ZMYND8: variants seen among roughly 807,000 people sequenced by gnomAD.
ZMYND8 encodes the protein MYND-type zinc finger-containing chromatin reader ZMYND8.
ZMYND8 carries 37 observed loss-of-function variants against 140.8 expected under a neutral mutation model. That is an observed-to-expected ratio of 0.26 (90% CI 0.20 to 0.35). The LOEUF is 0.35. Ranked by LOEUF, ZMYND8 falls within the 10% of genes least tolerant of loss-of-function variation. ZMYND8 has a pLI of 1.00. For missense variants in ZMYND8, 1,068 were observed against 1,570.0 expected, an observed-to-expected ratio of 0.68 and a Z score of 5.40; for synonymous variants, 592 against 597.1, an observed-to-expected ratio of 0.99 and a Z score of 0.12.
chr20:47,292,221 CCT>C (rs760763434), intron 5 of ZMYND8, among the ~76,000 whole-genome samples: 21 of 152,214 alleles, frequency 1.4e-4, no homozygotes, highest in African/African-American at 4.1e-4. Context: ...CACTTTCTCC[CCT>C]GACTGATTTG....
At chr20:47,266,347 T>G (rs1054398935) in intron 11 of ZMYND8, among the ~76,000 whole-genome samples, 5 of 152,174 alleles carry the variant, frequency 3.3e-5, no homozygotes, top group African/African-American at 1.2e-4. Flanking sequence ...TGGTGCAATC[T>G]CAGCTCACAG....
intron 2 of ZMYND8, among the ~76,000 whole-genome samples, chr20:47,325,810 C>T (rs113435558): frequency 1.3e-5 from 2 of 151,542 alleles, no homozygotes; most frequent in African/African-American, 2.4e-5. Context: ...TTTTCTGAGA[C>T]AGAGTTTCGT....
chr20:47,326,388 C>A (rs1429037617), intron 2 of ZMYND8, among the ~76,000 whole-genome samples: 1 of 152,254 alleles, frequency 6.6e-6, no homozygotes, highest in Non-Finnish European at 1.5e-5. Flanking sequence ...AGGCGTGAGC[C>A]ACCATGCCCG....
At position 47,209,396 on chromosome 20, in the gene ZMYND8, G is replaced by A. The variant is rs1249348409; in HGVS notation, c.*1365C>T. 3.3e-5 allele frequency: 5 copies of A among 151,130 alleles called. No homozygotes were observed. The highest frequency in any genetic ancestry group is 7.4e-5 in the Non-Finnish European group (5 of 67,856). The allele number at this position is 151,130 out of a possible 1,614,324, so 9.4% of individuals were successfully genotyped here. On this transcript the variant is annotated 3_prime_UTR_variant, in exon 23 of 23. Transcript: ENST00000471951. ...TACAAATTTTATACAAAGAAAATGT[G>A]AAAAAATACTTCCATATGCTAAAAG...
At chr20:47,275,897 C>T (rs890588180) in intron 11 of ZMYND8, among the ~76,000 whole-genome samples, 6 of 152,198 alleles carry the variant, frequency 3.9e-5, no homozygotes, top group Middle Eastern at 3.2e-3. Flanking sequence ...GCATGAGCCA[C>T]GGCGCCTGGT....
At chr20:47,226,151 TAAAAAAAAA>T (rs3092455) in intron 18 of ZMYND8, among the ~76,000 whole-genome samples, 3 of 132,218 alleles carry the variant, frequency 2.3e-5, no homozygotes, top group Non-Finnish European at 4.9e-5. Context: ...GACTCTGTCT[TAAAAAAAAA>T]AAAAAAAAGG....
intron 2 of ZMYND8, among the ~76,000 whole-genome samples, chr20:47,314,622 A>G (rs1569177297): frequency 1.3e-5 from 2 of 152,250 alleles, no homozygotes; most frequent in Non-Finnish European, 2.9e-5. Flanking sequence ...ACTGGGAGGT[A>G]CACTAGTTTG....
intron 2 of ZMYND8, among the ~76,000 whole-genome samples, chr20:47,328,162 G>A (rs933204319): frequency 1.3e-5 from 2 of 152,200 alleles, no homozygotes; most frequent in African/African-American, 2.4e-5. Flanking sequence ...TAACAGGACA[G>A]GGGAAGCAGA....
At chr20:47,318,645 C>A (rs151054601) in intron 2 of ZMYND8, 1 of 432,168 alleles carries the variant, frequency 2.3e-6, no homozygotes, top group African/African-American at 2.1e-5. Flanking sequence ...CAACGCTGAC[C>A]GTCTCTTAGA....
At position 47,257,480 on chromosome 20, in the gene ZMYND8, AACACACACATACATACTTATATACCAT is replaced by A; in HGVS notation, c.1621+4781_1621+4807del. Among the ~76,000 whole-genome samples, 2 of 152,046 alleles carry A rather than the reference AACACACACATACATACTTATATACCAT, an allele frequency of 1.3e-5. 1 individual carries two copies. Among genetic ancestry groups the A allele is most frequent in the South Asian group, 4.2e-4 (2 of 4,812 alleles). On this transcript the variant is annotated intron_variant, in intron 12 of 22. Coordinates refer to ENST00000471951, the MANE Select transcript of ZMYND8 (RefSeq NM_001281775.3). The stretch of plus-strand genomic sequence containing the variant: ...TCACCATATACACACACGCAAATAC[AACACACACATACATACTTATATACCAT>A]ACACACACATACATATACTCACATA...
chr20:47,229,350 C>T (rs1254715937), intron 17 of ZMYND8, among the ~76,000 whole-genome samples: 5 of 151,974 alleles, frequency 3.3e-5, no homozygotes, highest in African/African-American at 1.2e-4. Context: ...ATTATGGAGA[C>T]TCCAGTACAC....
At chr20:47,252,354 TTA>T (rs1243871022) in intron 12 of ZMYND8, among the ~76,000 whole-genome samples, 8 of 146,970 alleles carry the variant, frequency 5.4e-5, no homozygotes, top group African/African-American at 2.0e-4. Flanking sequence ...ACTCAAGGAC[TTA>T]ACAGCTGAGT....
chr20:47,238,619 A>ATG, intron 15 of ZMYND8, 139 bp downstream of exon 15: 1 of 1,405,432 alleles, frequency 7.1e-7, no homozygotes, highest in East Asian at 2.5e-5. Flanking sequence ...GCCAAATGGA[A>ATG]TGTGCAAGGC....
chr20:47,293,827 G>A (rs2077457411), intron 5 of ZMYND8, among the ~76,000 whole-genome samples: 1 of 152,156 alleles, frequency 6.6e-6, no homozygotes, highest in Non-Finnish European at 1.5e-5. Context: ...TACATGTCAA[G>A]GGAGGAACCT....
chr20:47,214,013 A>G (rs1353751357), intron 21 of ZMYND8, among the ~76,000 whole-genome samples: 2 of 152,098 alleles, frequency 1.3e-5, no homozygotes, highest in African/African-American at 4.8e-5. Flanking sequence ...GGAGAGGCCC[A>G]CACACTAAGG....
At chr20:47,325,422 G>A (rs1354488523) in intron 2 of ZMYND8, among the ~76,000 whole-genome samples, 1 of 152,104 alleles carries the variant, frequency 6.6e-6, no homozygotes, top group African/African-American at 2.4e-5. Context: ...GTACAGGTGG[G>A]CCAGCCAACC....
At chr20:47,265,839 T>C (rs959539702) in intron 11 of ZMYND8, among the ~76,000 whole-genome samples, 3 of 152,214 alleles carry the variant, frequency 2.0e-5, no homozygotes, top group African/African-American at 7.2e-5. Flanking sequence ...TGTTAATAAA[T>C]AAACAAGTGT....
intron 14 of ZMYND8, among the ~76,000 whole-genome samples, chr20:47,242,424 CCG>C: frequency 6.6e-6 from 1 of 152,328 alleles, no homozygotes; most frequent in East Asian, 1.9e-4. Flanking sequence ...GGCACAGTCC[CCG>C]CCTCTTCCAG....
intron 16 of ZMYND8, 142 bp downstream of exon 16, chr20:47,236,184 G>A: frequency 1.1e-6 from 1 of 937,336 alleles, no homozygotes; most frequent in Non-Finnish European, 1.6e-6. Flanking sequence ...ACGTGGTCTT[G>A]GAGATTCTGT....
Sources: gnomAD v4.1 joint callset for allele counts (sites outside exome capture counted in the v4.1 genomes callset) on GRCh38, gnomAD v4.1.1 for gene constraint, MANE v1.5 for transcripts, NCBI Gene and HGNC (gene_info 2026-07-23, HGNC 2026-07-21) for gene names.